The following COL5A3 variants were observed in gnomAD, a reference collection of about 807,000 sequenced individuals.
COL5A3 encodes the protein collagen alpha-3(V) chain.
COL5A3 carries 172 observed loss-of-function variants against 250.0 expected under a neutral mutation model. That is an observed-to-expected ratio of 0.69 (90% CI 0.61 to 0.78). The LOEUF is 0.78. COL5A3 is among the 30% of genes least tolerant of loss of function. The pLI is 0.00. For synonymous variants in COL5A3, 937 were observed against 900.4 expected (o/e 1.04, Z -0.73); for missense variants, 2,340 against 2,334.4 (o/e 1.00, Z -0.05).
Position 9,978,919 on chromosome 19 carries a change from G to A in COL5A3, c.2936C>T (p.Pro979Leu). The change falls in exon 40 of 67, where the codon CCC becomes CTC. Residue 979 changes from proline (P) to leucine (L), a missense_variant. Pro to Leu is a moderately conservative substitution (Grantham distance 98). This residue lies in a region of COL5A3 where 1,179 missense variants were observed against 1,162.6 expected (regional missense o/e 1.01). Coordinates refer to ENST00000264828, the MANE Select transcript of COL5A3 (RefSeq NM_015719.4). ...KEGPAGLRGF[P>L]GPKGGPGDPG... ...GTCCCCAGGGCCCCCTTTGGGGCCG[G>A]GAAAGCCCCTGAGTCCAGCTGGCCC... is the stretch of plus-strand genomic sequence containing the variant. 1 of 1,500,688 alleles carries A rather than the reference G, an allele frequency of 6.7e-7. No homozygotes were observed. Among genetic ancestry groups the A allele is most frequent in the Non-Finnish European group, 8.9e-7 (1 of 1,126,840 alleles). The allele number at this position is 1,500,688 out of a possible 1,614,324, so 93.0% of individuals were successfully genotyped here. A position where few individuals can be genotyped will look rare whatever the true frequency, so the allele number is the denominator to read the frequency against.
Position 9,996,269 on chromosome 19 carries a change from A to G in COL5A3, c.1423-7T>C. The G allele has an allele frequency of 6.4e-7, 1 of 1,563,934 alleles. No homozygotes were observed. The highest frequency in any genetic ancestry group is 8.6e-7 in the Non-Finnish European group (1 of 1,157,674). Reference sequence around the variant, plus strand: ...GGGGGCCTTTCATAGAGAGCTGGAAAGACAGAGGAGTCAGAGCTTGGGGCC... The same window carrying G: ...GGGGGCCTTTCATAGAGAGCTGGAAGGACAGAGGAGTCAGAGCTTGGGGCC... On this transcript the variant is annotated splice_polypyrimidine_tract_variant and splice_region_variant and intron_variant, in intron 13 of 66. Coordinates refer to ENST00000264828, the MANE Select transcript of COL5A3 (RefSeq NM_015719.4).
Position 9,983,601 on chromosome 19 carries a change from AG to A in COL5A3, c.2407-1484del, listed in dbSNP as rs1213132964. Reference sequence around the variant, plus strand: ...GAAAGAAAGAAAGAAAGAAAGAAAGAGAAAGAGAGAGAGAGAGAAAGAAAGA... The same window carrying A: ...GAAAGAAAGAAAGAAAGAAAGAAAGAAAAGAGAGAGAGAGAGAAAGAAAGA... On this transcript the variant is annotated intron_variant, in intron 31 of 66. Transcript: ENST00000264828. Among the ~76,000 whole-genome samples the A allele has an allele frequency of 1.7e-3, 153 of 87,840 alleles. 4 individuals carry two copies. Among genetic ancestry groups the A allele is most frequent in the African/African-American group, 7.2e-3 (142 of 19,712 alleles). 57.6% of individuals were successfully genotyped at this position (87,840 alleles called of 152,430 possible). A position where few individuals can be genotyped will look rare whatever the true frequency, so the allele number is the denominator to read the frequency against.
rs1233505048 is a variant in COL5A3 at position 10,003,571 on chromosome 19, C to G, written c.843G>C (p.Glu281Asp). ...WTSSPPPDSA[E>D]NQTSTDIPKT... ...GAGGTCTCAGGGCCCTTACCTGGTT[C>G]TCTGCGGAGTCAGGAGGTGGACTTG... The change falls in exon 6 of 67, where the codon GAG becomes GAC. Residue 281 changes from glutamate to aspartate, a missense_variant. Physicochemically the swap from Glu to Asp is conservative, Grantham distance 45 (BLOSUM62 2). This residue lies in a region of COL5A3 where 1,152 missense variants were observed against 1,146.3 expected (regional missense o/e 1.00). Transcript: ENST00000264828. The G allele has an allele frequency of 6.2e-7, 1 of 1,614,158 alleles. No individual in the cohort carries two copies. Among genetic ancestry groups the G allele is most frequent in the Non-Finnish European group, 8.5e-7 (1 of 1,180,008 alleles).
intron 20 of COL5A3, 57 bp from the exon 21 acceptor site, chr19:9,992,937 T>C (rs1263339013): frequency 1.3e-5 from 21 of 1,607,266 alleles, no homozygotes; most frequent in Non-Finnish European, 1.8e-5. Flanking sequence ...ATGTGAGCTC[T>C]AGGGGTCCTA....
intron 16 of COL5A3, 41 bp downstream of exon 16, chr19:9,995,523 G>A (rs1366719396): frequency 6.4e-7 from 1 of 1,565,162 alleles, no homozygotes; most frequent in Non-Finnish European, 8.7e-7. Context: ...GGGTGTTGAG[G>A]GATGGATAAG....
At chr19:9,977,161 C>T in intron 44 of COL5A3, 68 bp downstream of exon 44, 2 of 1,488,476 alleles carry the variant, frequency 1.3e-6, no homozygotes, top group Admixed American at 1.7e-5. Context: ...AGAATGATCT[C>T]TACATCCCTG....
At chr19:9,976,110 G>A (rs1015222476) in intron 45 of COL5A3, among the ~76,000 whole-genome samples, 12 of 151,236 alleles carry the variant, frequency 7.9e-5, no homozygotes, top group African/African-American at 2.9e-4. Context: ...GGTTCGACTG[G>A]GATTGAGCCA....
At position 9,974,227 on chromosome 19, in the gene COL5A3, G is replaced by A. The variant is rs1390006272; in HGVS notation, c.3451-3C>T. On this transcript the variant is annotated splice_polypyrimidine_tract_variant and splice_region_variant and intron_variant, in intron 46 of 66. Coordinates refer to ENST00000264828, the MANE Select transcript of COL5A3 (RefSeq NM_015719.4). Reference sequence around the variant, plus strand: ...TCTCCCGGAGGGCCTGGCAGCCCCTGTGGAACAAAGAAGCAAGATTGGGGC... The same window carrying A: ...TCTCCCGGAGGGCCTGGCAGCCCCTATGGAACAAAGAAGCAAGATTGGGGC... 1 of 1,613,908 alleles carries A rather than the reference G, an allele frequency of 6.2e-7. No individual in the cohort carries two copies. The highest frequency in any genetic ancestry group is 1.7e-5 in the Admixed American group (1 of 59,984).
intron 40 of COL5A3, 58 bp downstream of exon 40, chr19:9,978,833 A>T: frequency 2.9e-6 from 3 of 1,024,056 alleles, no homozygotes; most frequent in Non-Finnish European, 4.1e-6. Context: ...CCCTCCCCTG[A>T]CCCCCCCATC....
At position 9,960,669 on chromosome 19, in the gene COL5A3, G is replaced by A; in HGVS notation, c.5073C>T (p.Val1691=). Residue 1691 remains valine, a synonymous_variant, in exon 66 of 67, where the codon GTC becomes GTT. Coordinates refer to ENST00000264828, the MANE Select transcript of COL5A3 (RefSeq NM_015719.4). The stretch of plus-strand genomic sequence containing the variant: ...CTCTTACCCGGCAGCCATCCTGGGG[G>A]ACGCTGACAGTGGCTGCTGTCGTCT... ...FNQTTAATVS[V]PQDGCRLRKG... is the part of the protein sequence containing the mutation. The A allele has an allele frequency of 1.2e-6, 2 of 1,613,966 alleles. No individual in the cohort carries two copies. The highest frequency in any genetic ancestry group is 2.2e-5 in the South Asian group (2 of 91,080).
In COL5A3 at chr19:9,986,696, A is replaced by G. The variant is rs368506436; in HGVS notation, c.2190+18T>C. The G allele has an allele frequency of 5.0e-6, 8 of 1,613,510 alleles. No individual in the cohort carries two copies. The highest frequency in any genetic ancestry group is 6.8e-6 in the Non-Finnish European group (8 of 1,179,902). ...GATTGGGACTCCCTCTCCTCTGATG[A>G]GTTCCTTCTCTCCTCACCTTCTCGC... On this transcript the variant is annotated intron_variant, in intron 28 of 66. Transcript: ENST00000264828.
At position 9,991,658 on chromosome 19, in the gene COL5A3, G is replaced by A. The variant is rs2087192065; in HGVS notation, c.1948-4C>T. On this transcript the variant is annotated splice_region_variant and splice_polypyrimidine_tract_variant and intron_variant, in intron 23 of 66. Transcript: ENST00000264828. ...GTCCCTGGGGACCGGGGAGTCCCTG[G>A]AGACAGAAAAAGAAGATGAGAGAAG... 1.9e-6 allele frequency: 3 copies of A among 1,612,492 alleles called. No individual in the cohort carries two copies. The highest frequency in any genetic ancestry group is 1.7e-6 in the Non-Finnish European group (2 of 1,179,282).
Position 9,995,620 on chromosome 19 carries a change from A to G in COL5A3, c.1534-3T>C, listed in dbSNP as rs762533026. The G allele has an allele frequency of 6.3e-6, 10 of 1,580,422 alleles. No individual in the cohort carries two copies. Among genetic ancestry groups the G allele is most frequent in the Non-Finnish European group, 8.6e-6 (10 of 1,164,114 alleles). On this transcript the variant is annotated splice_polypyrimidine_tract_variant and splice_region_variant and intron_variant, in intron 15 of 66. Transcript: ENST00000264828. ...GGTCCCTGCAGGCCTCGGGGACCCT[A>G]GAAGAAAGCAAAAAGGAGGAAGGAA...
In COL5A3 at chr19:9,986,401, G is replaced by C. The variant is rs767582363; in HGVS notation, c.2266C>G (p.Pro756Ala). ...CCCTCAGGACCATCCTCTCCCCGGG[G>C]ACCTGGAGCTCCGGGTTTCCCCTGG... is the stretch of plus-strand genomic sequence containing the variant. The part of the protein sequence containing the change: ...GDQGKPGAPG[P>A]RGEDGPEGPK... Residue 756 changes from proline (P) to alanine (A), a missense_variant, in exon 30 of 67, where the codon CCC becomes GCC. By Grantham distance (27) the Pro-to-Ala change is conservative. Coordinates refer to ENST00000264828, the MANE Select transcript of COL5A3 (RefSeq NM_015719.4). 3 of 1,612,188 alleles carry C rather than the reference G, an allele frequency of 1.9e-6. No homozygotes were observed. The African/African-American group carries it at 4.0e-5, about 22-fold the overall frequency.
chr19:9,995,717 G>A, intron 15 of COL5A3, 100 bp from the exon 16 acceptor site: 1 of 892,158 alleles, frequency 1.1e-6, no homozygotes, highest in Non-Finnish European at 1.7e-6. Context: ...TTGCTGTATT[G>A]CCCAGGCCAG....
chr19:9,970,442 GGGT>G (rs1568407899), intron 54 of COL5A3, among the ~76,000 whole-genome samples, 177 bp downstream of exon 54: 2 of 49,932 alleles, frequency 4.0e-5, no homozygotes, highest in African/African-American at 1.1e-4. Context: ...TGGGGTCTGT[GGGT>G]GAGTGGGGTC....
At chr19:9,998,235 C>T in intron 8 of COL5A3, 86 bp from the exon 9 acceptor site, 1 of 881,898 alleles carries the variant, frequency 1.1e-6, no homozygotes, top group African/African-American at 6.1e-5. Flanking sequence ...CACACTTGCA[C>T]ACACACACAC....
chr19:9,985,262 A>ATT (rs61409571), intron 31 of COL5A3, among the ~76,000 whole-genome samples: 3 of 128,128 alleles, frequency 2.3e-5, no homozygotes, highest in Non-Finnish European at 3.3e-5. Flanking sequence ...CATCTGGCTA[A>ATT]TTTTTTTTTT....
At chr19:9,994,241 A>G (rs2087238168) in intron 16 of COL5A3, among the ~76,000 whole-genome samples, 1 of 146,532 alleles carries the variant, frequency 6.8e-6, no homozygotes, top group South Asian at 2.2e-4. Context: ...GTGCAGTGGC[A>G]TGATCATGGC....
Sources: gnomAD v4.1 joint callset for allele counts (sites outside exome capture counted in the v4.1 genomes callset) on GRCh38, gnomAD v4.1.1 for gene constraint, gnomAD v4.1.1 regional missense constraint, MANE v1.5 for transcripts, NCBI Gene and HGNC (gene_info 2026-07-23, HGNC 2026-07-21) for gene names.